The following ARHGAP15 variants were observed in gnomAD, a reference collection of about 807,000 sequenced individuals.
The protein encoded by ARHGAP15 is rho GTPase-activating protein 15.
ARHGAP15 carries 51 observed loss-of-function variants against 63.7 expected under a neutral mutation model. The ratio of observed to expected loss-of-function variants is 0.80; its 90% confidence interval spans 0.64 to 1.01. The LOEUF is 1.01. Among genes scored for constraint, ARHGAP15 ranks in the 50% least tolerant of loss-of-function variants. The probability of loss-of-function intolerance (pLI) is 0.00; values close to 1 mark genes in which losing one functional copy is unlikely to be tolerated. For missense variants in ARHGAP15, 560 were observed against 564.6 expected (o/e 0.99, Z 0.08); for synonymous variants, 191 against 193.8 (o/e 0.99, Z 0.12).
intron 12 of ARHGAP15, among the ~76,000 whole-genome samples, chr2:143,643,269 C>T (rs938843169): frequency 6.6e-6 from 1 of 152,026 alleles, no homozygotes; most frequent in Admixed American, 6.6e-5. Context: ...CCAAATATAA[C>T]CTTGGGCAAG....
chr2:143,400,402 A>G (rs1159300124), intron 6 of ARHGAP15, among the ~76,000 whole-genome samples: 2 of 151,960 alleles, frequency 1.3e-5, no homozygotes, highest in East Asian at 3.9e-4. Flanking sequence ...AAGAAAGAAG[A>G]GTTATCTAGT....
intron 9 of ARHGAP15, among the ~76,000 whole-genome samples, chr2:143,515,422 C>T (rs960118501): frequency 1.3e-5 from 2 of 152,152 alleles, no homozygotes; most frequent in Non-Finnish European, 2.9e-5. Context: ...ATCAGGGTCT[C>T]AAGTTTTGTT....
rs1231524027 is a variant in ARHGAP15 at position 143,402,936 on chromosome 2, G to T, written c.475-32665G>T. The stretch of plus-strand genomic sequence containing the variant: ...GAGGACAACCTATATTTTTCTTATA[G>T]AAGAATATATTCTTAAGTCATCTGG... On this transcript the variant is annotated intron_variant, in intron 6 of 13. Transcript: ENST00000295095. Among the ~76,000 whole-genome samples, 5 of 151,822 alleles carry T rather than the reference G, an allele frequency of 3.3e-5. No homozygotes were observed. The East Asian group carries it at 9.7e-4, about 29-fold the overall frequency.
Position 143,351,127 on chromosome 2 carries a change from AAG to A in ARHGAP15, c.475-84473_475-84472del, listed in dbSNP as rs1205849486. ...TTTAAGAATGGATGCCGTATGCACA[AAG>A]TATGCTTCTGACAATAACTGCAAAA... On this transcript the variant is annotated intron_variant, in intron 6 of 13. Transcript: ENST00000295095. 2.0e-5 allele frequency: 3 copies of A among 152,158 alleles called. No homozygotes were observed. In the East Asian group the frequency reaches 5.8e-4, roughly 29 times the overall value. 9.4% of individuals were successfully genotyped at this position (152,158 alleles called of 1,614,324 possible). A position where few individuals can be genotyped will look rare whatever the true frequency, so the allele number is the denominator to read the frequency against.
intron 6 of ARHGAP15, among the ~76,000 whole-genome samples, chr2:143,260,806 G>C (rs191975770): frequency 6.6e-6 from 1 of 152,212 alleles, no homozygotes; most frequent in Admixed American, 6.5e-5. Flanking sequence ...GCTTATGGAA[G>C]AATGTTGCTC....
At chr2:143,701,269 A>G (rs1279333530) in intron 12 of ARHGAP15, among the ~76,000 whole-genome samples, 1 of 152,178 alleles carries the variant, frequency 6.6e-6, no homozygotes, top group African/African-American at 2.4e-5. Context: ...CATATTAAAG[A>G]ACCTGCCAGT....
intron 3 of ARHGAP15, among the ~76,000 whole-genome samples, chr2:143,203,540 G>A (rs563273024): frequency 6.6e-6 from 1 of 152,106 alleles, no homozygotes; most frequent in Admixed American, 6.6e-5. Context: ...TCACTGTTTG[G>A]GTAGTGGGTA....
At chr2:143,447,661 A>T (rs1483536315) in intron 8 of ARHGAP15, among the ~76,000 whole-genome samples, 1 of 152,216 alleles carries the variant, frequency 6.6e-6, no homozygotes, top group Non-Finnish European at 1.5e-5. Flanking sequence ...ATCACTCAGA[A>T]CAGAGTCTGA....
intron 6 of ARHGAP15, among the ~76,000 whole-genome samples, chr2:143,421,514 A>C (rs893681476): frequency 5.9e-5 from 9 of 152,028 alleles, no homozygotes; most frequent in African/African-American, 2.2e-4. Flanking sequence ...GGAACAGGGC[A>C]TGAAGATCAC....
chr2:143,585,903 G>A (rs1342992107), intron 11 of ARHGAP15, among the ~76,000 whole-genome samples: 2 of 152,098 alleles, frequency 1.3e-5, no homozygotes, highest in East Asian at 3.8e-4. Context: ...AAGGGAAAGT[G>A]CCTTGCTGTA....
At chr2:143,449,459 T>A (rs976685835) in intron 8 of ARHGAP15, among the ~76,000 whole-genome samples, 4 of 152,236 alleles carry the variant, frequency 2.6e-5, no homozygotes, top group African/African-American at 9.6e-5. Flanking sequence ...TTTGATTGCT[T>A]AAATTTCTTT....
At chr2:143,546,408 C>A (rs1324503519) in intron 10 of ARHGAP15, among the ~76,000 whole-genome samples, 1 of 151,880 alleles carries the variant, frequency 6.6e-6, no homozygotes, top group Non-Finnish European at 1.5e-5. Flanking sequence ...TGTTGGTGAG[C>A]CTTTTATTGT....
chr2:143,289,836 G>T (rs886246352), intron 6 of ARHGAP15, among the ~76,000 whole-genome samples: 1 of 152,116 alleles, frequency 6.6e-6, no homozygotes, highest in African/African-American at 2.4e-5. Flanking sequence ...AGAGGAAGAA[G>T]AATTATTTCA....
At chr2:143,586,877 AT>A (rs1001532295) in intron 11 of ARHGAP15, among the ~76,000 whole-genome samples, 2 of 151,212 alleles carry the variant, frequency 1.3e-5, no homozygotes, top group African/African-American at 4.9e-5. Context: ...ATTTTACTCA[AT>A]CTCAATCTCT....
chr2:143,346,236 TCACACA>T (rs1050451199), intron 6 of ARHGAP15, among the ~76,000 whole-genome samples: 1 of 82,548 alleles, frequency 1.2e-5, no homozygotes, highest in Non-Finnish European at 2.7e-5. Flanking sequence ...ACACTCTCTC[TCACACA>T]CACACACTCA....
chr2:143,357,580 C>T (rs567140405), intron 6 of ARHGAP15, among the ~76,000 whole-genome samples: 3 of 152,090 alleles, frequency 2.0e-5, no homozygotes, highest in African/African-American at 7.2e-5. Flanking sequence ...ATTTATTTGA[C>T]AGGTTTGAAT....
intron 6 of ARHGAP15, among the ~76,000 whole-genome samples, chr2:143,298,497 G>A (rs781645969): frequency 6.6e-5 from 10 of 151,942 alleles, no homozygotes; most frequent in Non-Finnish European, 1.5e-4. Flanking sequence ...GAAAATTAGT[G>A]CCATAAAGAA....
At chr2:143,243,415 C>T (rs994467596) in intron 5 of ARHGAP15, among the ~76,000 whole-genome samples, 1 of 152,120 alleles carries the variant, frequency 6.6e-6, no homozygotes, top group Non-Finnish European at 1.5e-5. Flanking sequence ...AAAGCAGTAA[C>T]TCTTAAATAA....
At chr2:143,754,256 AATCTT>A (rs1408208030) in intron 13 of ARHGAP15, among the ~76,000 whole-genome samples, 1 of 152,186 alleles carries the variant, frequency 6.6e-6, no homozygotes, top group African/African-American at 2.4e-5. Flanking sequence ...GCCAAATACT[AATCTT>A]AGTCTATGGA....
Sources: allele counts gnomAD v4.1 joint callset (sites outside exome capture counted in the v4.1 genomes callset), GRCh38; gene constraint gnomAD v4.1.1; transcripts MANE v1.5; gene names NCBI Gene and HGNC (gene_info 2026-07-23, HGNC 2026-07-21).